The following KCNQ5 variants were observed in gnomAD, a reference collection of about 807,000 sequenced individuals.
The protein encoded by KCNQ5 is potassium voltage-gated channel subfamily KQT member 5.
In KCNQ5, 30 loss-of-function variants were observed where a neutral mutation model predicts 98.2. The ratio of observed to expected loss-of-function variants is 0.31; its 90% CI spans 0.23 to 0.41. The LOEUF (loss-of-function observed/expected upper bound fraction) is 0.41, where lower values mean the gene tolerates loss of function less well. Among genes scored for constraint, KCNQ5 ranks in the 10% least tolerant of loss-of-function variants. KCNQ5 has a pLI of 1.00. For synonymous variants in KCNQ5, 458 were observed against 449.4 expected, an observed-to-expected ratio of 1.02 and a Z score of -0.24; for missense variants, 835 against 1,182.5, an observed-to-expected ratio of 0.71 and a Z score of 4.31.
At position 72,981,178 on chromosome 6, in the gene KCNQ5, G is replaced by T. The variant is rs187398728; in HGVS notation, c.399-22730G>T. ...CAGAATGATGCTGGCCTCATAAAAT[G>T]AGTTAGGGAGGATTCCCTCTTTTTC... On this transcript the variant is annotated intron_variant, in intron 1 of 13. Transcript: ENST00000370398. Among the ~76,000 whole-genome samples the T allele has an allele frequency of 5.1e-3, 777 of 152,282 alleles. 9 individuals are homozygous for T. The highest frequency in any genetic ancestry group is 7.0e-3 in the Non-Finnish European group (473 of 68,020).
chr6:73,131,774 CAT>C (rs1264209947), intron 9 of KCNQ5, among the ~76,000 whole-genome samples: 3 of 152,174 alleles, frequency 2.0e-5, no homozygotes, highest in South Asian at 2.1e-4. Flanking sequence ...TTTAATCACA[CAT>C]GTGTCAAGCA....
intron 6 of KCNQ5, among the ~76,000 whole-genome samples, chr6:73,108,146 C>T (rs1450113306): frequency 1.3e-5 from 2 of 152,192 alleles, no homozygotes; most frequent in East Asian, 3.9e-4. Context: ...CCATCCTGCA[C>T]ATCACAGAGT....
chr6:72,834,171 A>T (rs1188406397), intron 1 of KCNQ5, among the ~76,000 whole-genome samples: 1 of 152,100 alleles, frequency 6.6e-6, no homozygotes, highest in Non-Finnish European at 1.5e-5. Context: ...GGGTGGATAC[A>T]TGAGTGTTTG....
chr6:72,984,770 C>T (rs1362764398), intron 1 of KCNQ5, among the ~76,000 whole-genome samples: 1 of 152,204 alleles, frequency 6.6e-6, no homozygotes, highest in African/African-American at 2.4e-5. Flanking sequence ...GTTGGAAATG[C>T]AGAAATCACC....
At chr6:72,783,950 G>A (rs1384089136) in intron 1 of KCNQ5, among the ~76,000 whole-genome samples, 1 of 152,168 alleles carries the variant, frequency 6.6e-6, no homozygotes, top group African/African-American at 2.4e-5. Flanking sequence ...GTTTACCACA[G>A]AACACAAAAG....
chr6:72,724,052 ATC>A (rs1332183073), intron 1 of KCNQ5, among the ~76,000 whole-genome samples: 6 of 151,920 alleles, frequency 3.9e-5, no homozygotes, highest in African/African-American at 1.4e-4. Context: ...TTATTTGTAA[ATC>A]TGTTATCTCT....
intron 1 of KCNQ5, among the ~76,000 whole-genome samples, chr6:72,830,005 AC>A (rs1215179678): frequency 6.6e-6 from 1 of 152,166 alleles, no homozygotes; most frequent in Non-Finnish European, 1.5e-5. Flanking sequence ...AGAATAAAAT[AC>A]CTAGGAATCC....
chr6:72,691,638 G>A (rs1352062198), intron 1 of KCNQ5, among the ~76,000 whole-genome samples: 1 of 152,152 alleles, frequency 6.6e-6, no homozygotes, highest in African/African-American at 2.4e-5. Flanking sequence ...TTAGAGATGG[G>A]AAAATAAGAA....
chr6:73,170,374 G>C (rs1777959850), intron 11 of KCNQ5, among the ~76,000 whole-genome samples: 1 of 151,588 alleles, frequency 6.6e-6, no homozygotes, highest in Non-Finnish European at 1.5e-5. Context: ...AGAGCTAAGA[G>C]AGTATACCTA....
At chr6:73,118,618 T>C (rs1248357880) in intron 7 of KCNQ5, among the ~76,000 whole-genome samples, 3 of 152,244 alleles carry the variant, frequency 2.0e-5, no homozygotes, top group Non-Finnish European at 4.4e-5. Flanking sequence ...TTAGCATACA[T>C]TTATTCAATG....
intron 8 of KCNQ5, among the ~76,000 whole-genome samples, chr6:73,123,796 A>G (rs1305990905): frequency 6.6e-6 from 1 of 152,170 alleles, no homozygotes; most frequent in Non-Finnish European, 1.5e-5. Context: ...GGGGATTTGG[A>G]GATTATCTAA....
At chr6:72,798,020 G>A (rs527502221) in intron 1 of KCNQ5, among the ~76,000 whole-genome samples, 3 of 152,218 alleles carry the variant, frequency 2.0e-5, no homozygotes, top group Admixed American at 2.0e-4. Context: ...GGCCTAGAAT[G>A]TATGCAAGAT....
chr6:72,895,114 T>TAAA lies in KCNQ5; in HGVS notation c.399-108771_399-108769dup, dbSNP rs71540357. Among the ~76,000 whole-genome samples, 29 of 89,242 alleles carry TAAA rather than the reference T, an allele frequency of 3.2e-4. 1 individual carries two copies. Among genetic ancestry groups the TAAA allele is most frequent in the African/African-American group, 1.2e-3 (26 of 22,188 alleles). 58.5% of individuals were successfully genotyped at this position (89,242 alleles called of 152,430 possible). ...TAACACGGTGAAACCCCATCTCTAC[T>TAAA]AAAAAAAAAAAAAAAAAAAAAAAAA... is the stretch of plus-strand genomic sequence containing the variant. On this transcript the variant is annotated intron_variant, in intron 1 of 13. Transcript: ENST00000370398.
intron 1 of KCNQ5, among the ~76,000 whole-genome samples, chr6:72,980,836 G>T (rs974364174): frequency 2.0e-5 from 3 of 152,140 alleles, no homozygotes; most frequent in African/African-American, 7.2e-5. Flanking sequence ...TTATTATTTT[G>T]AGATACGTTC....
intron 10 of KCNQ5, among the ~76,000 whole-genome samples, chr6:73,144,825 A>G (rs1337343168): frequency 1.3e-5 from 2 of 152,164 alleles, no homozygotes; most frequent in African/African-American, 4.8e-5. Flanking sequence ...GGGCTGGTTC[A>G]CATGGTGGTG....
At chr6:72,934,260 T>A (rs542573582) in intron 1 of KCNQ5, among the ~76,000 whole-genome samples, 2 of 152,270 alleles carry the variant, frequency 1.3e-5, no homozygotes, top group East Asian at 3.9e-4. Flanking sequence ...CTAAATTAAT[T>A]ATGGCAACCT....
chr6:72,886,283 A>G (rs1445310441), intron 1 of KCNQ5, among the ~76,000 whole-genome samples: 1 of 152,198 alleles, frequency 6.6e-6, no homozygotes, highest in Non-Finnish European at 1.5e-5. Flanking sequence ...TGAAAGAAGA[A>G]TGAATATAAC....
intron 1 of KCNQ5, among the ~76,000 whole-genome samples, chr6:72,786,875 G>A (rs994443966): frequency 5.9e-5 from 9 of 151,450 alleles, no homozygotes; most frequent in South Asian, 2.1e-4. Flanking sequence ...GCGTGGTGGC[G>A]GGCACCTGTA....
intron 1 of KCNQ5, among the ~76,000 whole-genome samples, chr6:72,725,063 T>C (rs1770193192): frequency 6.6e-6 from 1 of 152,198 alleles, no homozygotes; most frequent in South Asian, 2.1e-4. Flanking sequence ...TTATTTCTTA[T>C]GTACTAAAGC....
Sources: gnomAD v4.1 joint callset for allele counts (sites outside exome capture counted in the v4.1 genomes callset) on GRCh38, gnomAD v4.1.1 for gene constraint, MANE v1.5 for transcripts, NCBI Gene and HGNC (gene_info 2026-07-23, HGNC 2026-07-21) for gene names.